HK1: variants seen among roughly 807,000 people sequenced by gnomAD.
The protein encoded by HK1 is hexokinase 1.
HK1 carries 28 observed loss-of-function variants against 91.6 expected under a neutral mutation model. That is an observed-to-expected ratio of 0.31 (90% CI 0.23 to 0.42). The LOEUF is 0.42. Ranked by LOEUF, HK1 falls within the 10% of genes least tolerant of loss-of-function variation. The pLI is 1.00. For synonymous variants in HK1, 430 were observed against 468.1 expected, an observed-to-expected ratio of 0.92 and a Z score of 1.05; for missense variants, 770 against 1,219.8, an observed-to-expected ratio of 0.63 and a Z score of 5.49.
chr10:69,398,591 A>C lies in HK1; in HGVS notation c.2376-4A>C, dbSNP rs1840245263. The C allele has an allele frequency of 1.2e-6, 2 of 1,612,020 alleles. No individual in the cohort carries two copies. Among genetic ancestry groups the C allele is most frequent in the Non-Finnish European group, 1.7e-6 (2 of 1,179,068 alleles). On this transcript the variant is annotated splice_polypyrimidine_tract_variant and splice_region_variant and intron_variant, in intron 16 of 17. Coordinates refer to ENST00000359426, the MANE Select transcript of HK1 (RefSeq NM_000188.3). Reference sequence around the variant, plus strand: ...TCCAGCCCTCTGGCTCTTGTCCCCCACAGTGACCGATTAGCACTGCTCCAG... The same window carrying C: ...TCCAGCCCTCTGGCTCTTGTCCCCCCCAGTGACCGATTAGCACTGCTCCAG...
upstream of HK1, among the ~76,000 whole-genome samples, chr10:69,311,952 C>T (rs542457854): frequency 1.3e-4 from 19 of 151,816 alleles, no homozygotes; most frequent in South Asian, 6.2e-4. Context: ...CAGTTCTTTA[C>T]GCCTATGACT....
At chr10:69,371,519 A>G (rs1481366745) in intron 7 of HK1, among the ~76,000 whole-genome samples, 1 of 152,196 alleles carries the variant, frequency 6.6e-6, no homozygotes, top group Non-Finnish European at 1.5e-5. Flanking sequence ...TCCCAAGCAC[A>G]TGTGACCCCA....
chr10:69,356,488 A>T (rs1752584354), intron 2 of HK1, among the ~76,000 whole-genome samples: 1 of 152,246 alleles, frequency 6.6e-6, no homozygotes, highest in African/African-American at 2.4e-5. Flanking sequence ...CATAAAAAAA[A>T]GAAAAGACAA....
chr10:69,291,133 G>A (rs1212787133), intron 3 of HK1, among the ~76,000 whole-genome samples: 5 of 152,240 alleles, frequency 3.3e-5, no homozygotes, highest in African/African-American at 9.6e-5. Flanking sequence ...CCAGTCCCAG[G>A]CAGAATGCCA....
chr10:69,295,931 C>T (rs140958880), intron 4 of HK1, among the ~76,000 whole-genome samples: 6 of 152,262 alleles, frequency 3.9e-5, no homozygotes, highest in African/African-American at 1.4e-4. Flanking sequence ...AAGCAGAATG[C>T]TAATTGTCAG....
chr10:69,291,097 CCTT>C (rs1845279207), intron 3 of HK1, among the ~76,000 whole-genome samples: 1 of 152,244 alleles, frequency 6.6e-6, no homozygotes, highest in Non-Finnish European at 1.5e-5. Flanking sequence ...CTCATGGCCC[CCTT>C]CTTGTGCCCC....
intron 3 of HK1, among the ~76,000 whole-genome samples, chr10:69,363,259 CT>C (rs1277021674): frequency 6.6e-6 from 1 of 152,194 alleles, no homozygotes; most frequent in Non-Finnish European, 1.5e-5. Flanking sequence ...TGTGGCATGG[CT>C]GCCAAAAGTG....
At chr10:69,328,704 A>G (rs1847522655) in intron 1 of HK1, among the ~76,000 whole-genome samples, 1 of 152,206 alleles carries the variant, frequency 6.6e-6, no homozygotes, top group Non-Finnish European at 1.5e-5. Flanking sequence ...GTGGTTTCTA[A>G]TAGATTTACA....
Position 69,369,569 on chromosome 10 carries a change from C to T in HK1, c.820C>T (p.Arg274Trp), listed in dbSNP as rs777468926. The change falls in exon 7 of 18, where the codon CGG (arginine) becomes TGG (tryptophan). Residue 274 changes from arginine (R) to tryptophan (W), a missense_variant. Around this residue, in one of 7 missense-constraint regions of HK1, gnomAD observed 449 missense variants for 665.1 expected, o/e 0.68. Coordinates refer to ENST00000359426, the MANE Select transcript of HK1 (RefSeq NM_000188.3). This position sits in a 1 kb window ranked among gnomAD's most constrained non-coding sequence, Gnocchi z 4.4. ...AGACGATGGATCATTAGAAGACATCCGGACAGAGTTTGACAGGGAGATAGA... is the reference window on the plus strand; with the variant it reads ...AGACGATGGATCATTAGAAGACATCTGGACAGAGTTTGACAGGGAGATAGA... Reference protein sequence around the residue: ...FGDDGSLEDIRTEFDREIDRG... With the variant: ...FGDDGSLEDIWTEFDREIDRG... 8.7e-6 allele frequency: 14 copies of T among 1,614,032 alleles called. No homozygotes were observed. The highest frequency in any genetic ancestry group is 8.3e-5 in the Admixed American group (5 of 60,004).
chr10:69,391,879 C>T (rs12252483), intron 14 of HK1, among the ~76,000 whole-genome samples: 2,106 of 152,278 alleles, frequency 0.014, 49 homozygotes, highest in African/African-American at 0.048. Context: ...CCTGCCTGGA[C>T]GGGTGAACAC....
chr10:69,281,851 T>C (rs1844768762), intron 1 of HK1, among the ~76,000 whole-genome samples: 1 of 152,158 alleles, frequency 6.6e-6, no homozygotes, highest in Non-Finnish European at 1.5e-5. Flanking sequence ...GGAATATCCA[T>C]TAGAACGTTG....
intron 5 of HK1, among the ~76,000 whole-genome samples, chr10:69,305,627 G>C (rs1361610031): frequency 6.6e-6 from 1 of 152,098 alleles, no homozygotes; most frequent in Non-Finnish European, 1.5e-5. Context: ...GGCCAAGGCA[G>C]GCAGATCACC....
At chr10:69,331,283 G>A (rs1425421553) in intron 1 of HK1, among the ~76,000 whole-genome samples, 1 of 152,170 alleles carries the variant, frequency 6.6e-6, no homozygotes, top group African/African-American at 2.4e-5. Flanking sequence ...TCTGTCTTTT[G>A]TTATAGGGGC....
intron 13 of HK1, chr10:69,386,689 G>A (rs967951739): frequency 5.3e-5 from 19 of 361,728 alleles, no homozygotes; most frequent in South Asian, 8.7e-5. Context: ...GACTGAGGCA[G>A]AAGAATCGCT....
chr10:69,392,251 T>A lies in HK1; in HGVS notation c.2162T>A (p.Ile721Asn). The change falls in exon 15 of 18, where the codon ATC becomes AAC. Residue 721 changes from isoleucine (I) to asparagine (N), a missense_variant. Around this residue, in one of 7 missense-constraint regions of HK1, gnomAD observed 152 missense variants for 211.1 expected, o/e 0.72. Coordinates refer to ENST00000359426, the MANE Select transcript of HK1 (RefSeq NM_000188.3). Reference sequence around the variant, plus strand: ...GGGGACAACGGGTGTCTGGATGATATCAGGACACACTACGACAGACTGGTG... The same window carrying A: ...GGGGACAACGGGTGTCTGGATGATAACAGGACACACTACGACAGACTGGTG... ...AFGDNGCLDDIRTHYDRLVDE... is the reference protein window; with the variant it reads ...AFGDNGCLDDNRTHYDRLVDE... The A allele has an allele frequency of 6.2e-7, 1 of 1,614,054 alleles. No individual in the cohort carries two copies. Among genetic ancestry groups the A allele is most frequent in the Non-Finnish European group, 8.5e-7 (1 of 1,180,008 alleles).
chr10:69,297,342 G>C (rs1589448389), intron 4 of HK1, among the ~76,000 whole-genome samples: 1 of 152,282 alleles, frequency 6.6e-6, no homozygotes, highest in East Asian at 1.9e-4. Context: ...AGGAGGTAGA[G>C]GAGGGCTTAG....
chr10:69,322,813 C>T (rs528683413), intron 1 of HK1, among the ~76,000 whole-genome samples: 2 of 150,428 alleles, frequency 1.3e-5, no homozygotes, highest in South Asian at 4.2e-4. Flanking sequence ...TCACTTGAAC[C>T]TGGAAGGCAG....
chr10:69,310,965 G>A (rs1846343260), upstream of HK1, among the ~76,000 whole-genome samples: 1 of 151,962 alleles, frequency 6.6e-6, no homozygotes, highest in Non-Finnish European at 1.5e-5. Context: ...GCTGAGGCAG[G>A]AGAATCACTT....
intron 1 of HK1, among the ~76,000 whole-genome samples, chr10:69,327,852 A>C (rs1189737938): frequency 2.0e-5 from 3 of 152,214 alleles, no homozygotes; most frequent in Non-Finnish European, 4.4e-5. Context: ...GAGTTACCTT[A>C]TCAGAGTCCT....
Sources: gnomAD v4.1 joint callset for allele counts (sites outside exome capture counted in the v4.1 genomes callset) on GRCh38, gnomAD v4.1.1 for gene constraint, gnomAD v4.1.1 regional missense constraint, Gnocchi (gnomAD v3.1) non-coding constraint, MANE v1.5 for transcripts, NCBI Gene and HGNC (gene_info 2026-07-23, HGNC 2026-07-21) for gene names.